Variants in MEF2C observed in about 807,000 individuals in gnomAD.
The protein encoded by MEF2C is myocyte-specific enhancer factor 2C.
A neutral mutation model predicts 50.5 loss-of-function variants in MEF2C; 6 were observed. The observed-to-expected ratio is 0.12, with a 90% CI of 0.07 to 0.23. The LOEUF (loss-of-function observed/expected upper bound fraction) is 0.23. Ranked by LOEUF, MEF2C falls within the 10% of genes least tolerant of loss-of-function variation. The pLI, the probability that MEF2C is intolerant of heterozygous loss-of-function variation, is 1.00. For missense variants in MEF2C, 276 were observed against 605.0 expected (o/e 0.46, Z 5.70); for synonymous variants, 183 against 228.0 (o/e 0.80, Z 1.78).
chr5:88,848,788 T>A (rs1820222779), intron 1 of MEF2C, among the ~76,000 whole-genome samples: 1 of 152,186 alleles, frequency 6.6e-6, no homozygotes, highest in African/African-American at 2.4e-5. Context: ...TAACGGGTGA[T>A]GTAGAAGTAA....
chr5:88,799,480 C>A (rs1797375524), intron 3 of MEF2C, among the ~76,000 whole-genome samples: 1 of 152,172 alleles, frequency 6.6e-6, no homozygotes, highest in African/African-American at 2.4e-5. Flanking sequence ...ACATCCATTT[C>A]CAAATTTTGT....
rs1300072948 is a variant in MEF2C at position 88,795,699 on chromosome 5, G to C, written c.258+8899C>G. 2.6e-5 allele frequency among the ~76,000 whole-genome samples: 4 copies of C among 152,170 alleles called. No homozygotes were observed. The East Asian group carries it at 7.7e-4, about 29-fold the overall frequency. Reference sequence around the variant, plus strand: ...TATGTTGAATAGGAGTGGTGAGAGAGGGCCTCCCTGTCTTGTGCAGTTTTC... The same window carrying C: ...TATGTTGAATAGGAGTGGTGAGAGACGGCCTCCCTGTCTTGTGCAGTTTTC... On this transcript the variant is annotated intron_variant, in intron 3 of 10. Coordinates refer to ENST00000504921, the MANE Select transcript of MEF2C (RefSeq NM_002397.5).
intron 2 of MEF2C, among the ~76,000 whole-genome samples, chr5:88,807,704 G>T (rs1010530900): frequency 6.6e-6 from 1 of 152,056 alleles, no homozygotes; most frequent in Non-Finnish European, 1.5e-5. Flanking sequence ...TTTCTTAGTT[G>T]ACTTAACCAA....
At chr5:88,750,131 C>G (rs1432873563) in intron 5 of MEF2C, 2 of 856,434 alleles carry the variant, frequency 2.3e-6, no homozygotes, top group Non-Finnish European at 2.8e-6. Context: ...CTAAGTGATA[C>G]TCTGTAATTA....
chr5:88,774,616 A>T (rs1364975750), intron 3 of MEF2C, among the ~76,000 whole-genome samples: 1 of 152,180 alleles, frequency 6.6e-6, no homozygotes, highest in Non-Finnish European at 1.5e-5. Context: ...CTCCTGTCAC[A>T]TTATAGATTA....
At chr5:88,773,945 A>C (rs1783597962) in intron 3 of MEF2C, among the ~76,000 whole-genome samples, 2 of 152,202 alleles carry the variant, frequency 1.3e-5, no homozygotes, top group African/African-American at 4.8e-5. Flanking sequence ...TGCTTAACAG[A>C]GGCAGTGAAA....
At chr5:88,773,714 C>G (rs1267067613) in intron 3 of MEF2C, among the ~76,000 whole-genome samples, 1 of 152,152 alleles carries the variant, frequency 6.6e-6, no homozygotes, top group African/African-American at 2.4e-5. Flanking sequence ...CTCAGGCAGA[C>G]TAAGCAAAAG....
chr5:88,869,274 T>TATATATATATAC, intron 1 of MEF2C, among the ~76,000 whole-genome samples: 1 of 46,118 alleles, frequency 2.2e-5, no homozygotes, highest in African/African-American at 1.7e-4. Context: ...TATATATATA[T>TATATATATATAC]ATACATATAT....
At chr5:88,898,721 T>C (rs962535521) in intron 1 of MEF2C, among the ~76,000 whole-genome samples, 2 of 152,176 alleles carry the variant, frequency 1.3e-5, no homozygotes, top group Non-Finnish European at 2.9e-5. Flanking sequence ...ATTAATCATG[T>C]TTTAATTCTG....
At chr5:88,758,343 G>A (rs912737824) in intron 4 of MEF2C, among the ~76,000 whole-genome samples, 3 of 152,044 alleles carry the variant, frequency 2.0e-5, no homozygotes, top group Non-Finnish European at 4.4e-5. Context: ...TCAGACGGAG[G>A]TGTTTTCTCT....
At chr5:88,881,673 T>C (rs946745043) in intron 1 of MEF2C, among the ~76,000 whole-genome samples, 2 of 152,042 alleles carry the variant, frequency 1.3e-5, no homozygotes, top group Non-Finnish European at 2.9e-5. Context: ...ATAAACATCT[T>C]TACTCTGCAA....
At chr5:88,880,657 G>A (rs1241405070) in intron 1 of MEF2C, among the ~76,000 whole-genome samples, 3 of 151,970 alleles carry the variant, frequency 2.0e-5, no homozygotes, top group African/African-American at 7.2e-5. Flanking sequence ...CGTTAAGTTA[G>A]GGCCAAGGAA....
chr5:88,753,942 TTTC>T (rs1408418647), intron 4 of MEF2C, among the ~76,000 whole-genome samples: 1 of 152,222 alleles, frequency 6.6e-6, no homozygotes, highest in African/African-American at 2.4e-5. Context: ...AAATATTGTA[TTTC>T]TTCATTAAAA....
intron 4 of MEF2C, among the ~76,000 whole-genome samples, chr5:88,759,682 G>C (rs1041332885): frequency 1.4e-5 from 2 of 146,918 alleles, no homozygotes; most frequent in African/African-American, 4.9e-5. Context: ...ATAGTTTTAT[G>C]AAACCCTTAA....
At chr5:88,731,021 A>C (rs1040340911) in intron 7 of MEF2C, among the ~76,000 whole-genome samples, 2 of 152,228 alleles carry the variant, frequency 1.3e-5, no homozygotes, top group African/African-American at 4.8e-5. Flanking sequence ...CAGACCCAGA[A>C]GAAAGAAAAA....
At chr5:88,743,650 G>A (rs900131600) in intron 6 of MEF2C, 9 of 985,174 alleles carry the variant, frequency 9.1e-6, no homozygotes, top group Non-Finnish European at 1.1e-5. Context: ...AAGGTGCTGA[G>A]TCATGACCTA....
intron 3 of MEF2C, among the ~76,000 whole-genome samples, chr5:88,766,255 C>A (rs923757413): frequency 2.6e-5 from 4 of 152,044 alleles, no homozygotes; most frequent in Admixed American, 1.3e-4. Flanking sequence ...GATTCTATTT[C>A]GTTACTGAAA....
At chr5:88,742,500 G>A (rs975369449) in intron 6 of MEF2C, 232 of 978,544 alleles carry the variant, frequency 2.4e-4, no homozygotes, top group Non-Finnish European at 2.7e-4. Flanking sequence ...GTACTTTACT[G>A]TAGATATAGA....
At chr5:88,799,911 C>G (rs1449625228) in intron 3 of MEF2C, among the ~76,000 whole-genome samples, 1 of 62,548 alleles carries the variant, frequency 1.6e-5, no homozygotes, top group African/African-American at 4.7e-5. Context: ...CACACACACA[C>G]ACAGAGAGAG....
Sources: gnomAD v4.1 joint callset for allele counts (sites outside exome capture counted in the v4.1 genomes callset) on GRCh38, gnomAD v4.1.1 for gene constraint, MANE v1.5 for transcripts, NCBI Gene and HGNC (gene_info 2026-07-23, HGNC 2026-07-21) for gene names.